Variants in FBXO15 observed in about 807,000 individuals in gnomAD.
FBXO15 encodes F-box only protein 15.
In FBXO15, 30 loss-of-function variants were observed where a neutral mutation model predicts 49.5. That is an observed-to-expected ratio of 0.61 (90% CI 0.45 to 0.82). The LOEUF is 0.82. Among genes scored for constraint, FBXO15 ranks in the 40% least tolerant of loss-of-function variants. The pLI, the probability that FBXO15 is intolerant of heterozygous loss-of-function variation, is 0.00. For synonymous variants in FBXO15, 250 were observed against 232.7 expected, an observed-to-expected ratio of 1.07 and a Z score of -0.68; for missense variants, 591 against 631.5, an observed-to-expected ratio of 0.94 and a Z score of 0.69.
chr18:74,086,578 T>C (rs1363542126), intron 8 of FBXO15, among the ~76,000 whole-genome samples: 1 of 152,122 alleles, frequency 6.6e-6, no homozygotes, highest in Non-Finnish European at 1.5e-5. Context: ...GCCTGACTAA[T>C]TTTTTGTATT....
chr18:74,129,351 T>A lies in FBXO15; in HGVS notation c.785+54A>T, dbSNP rs1978310262. 2.7e-6 allele frequency: 4 copies of A among 1,467,092 alleles called. No homozygotes were observed. In the Admixed American group the frequency reaches 5.9e-5, roughly 22 times the overall value. 90.9% of individuals were successfully genotyped at this position (1,467,092 alleles called of 1,614,324 possible). Reference sequence around the variant, plus strand: ...TTTTAATTACAAAAGTAATGCCAACTAATATTTACATATAAGATGCTCTCA... The same window carrying A: ...TTTTAATTACAAAAGTAATGCCAACAAATATTTACATATAAGATGCTCTCA... On this transcript the variant is annotated intron_variant, in intron 5 of 9. Transcript: ENST00000419743.
chr18:74,138,375 C>T (rs888407041), intron 2 of FBXO15, among the ~76,000 whole-genome samples: 1 of 152,156 alleles, frequency 6.6e-6, no homozygotes, highest in Non-Finnish European at 1.5e-5. Context: ...CTGCTGCCTC[C>T]TCCCCCCGCC....
intron 3 of FBXO15, among the ~76,000 whole-genome samples, chr18:74,132,306 C>G (rs1978442011): frequency 6.6e-6 from 1 of 152,188 alleles, no homozygotes; most frequent in South Asian, 2.1e-4. Context: ...GCATCTCACC[C>G]TATGTAAGTA....
At position 74,082,165 on chromosome 18, in the gene FBXO15, G is replaced by A. The variant is rs997257363; in HGVS notation, c.1139-114C>T. The A allele has an allele frequency of 1.9e-5, 19 of 1,022,946 alleles. No homozygotes were observed. The Admixed American group carries it at 4.6e-4, about 25-fold the overall frequency. The allele number at this position is 1,022,946 out of a possible 1,614,324, so 63.4% of individuals were successfully genotyped here. On this transcript the variant is annotated intron_variant, in intron 8 of 9. Coordinates refer to ENST00000419743, the MANE Select transcript of FBXO15 (RefSeq NM_001142958.2). The stretch of plus-strand genomic sequence containing the variant: ...CTCACCCTGGTAAGCCCTGGCCTCA[G>A]CGATGAGGGCAACATGGGCACAGCA...
At chr18:74,118,426 A>ATACACATATATACACATATATATATG (rs1568171815) in intron 8 of FBXO15, among the ~76,000 whole-genome samples, 1 of 148,886 alleles carries the variant, frequency 6.7e-6, no homozygotes, top group African/African-American at 2.5e-5. Flanking sequence ...ATATATATAT[A>ATACACATATATACACATATATATATG]TGTGTATATA....
chr18:74,113,538 T>C (rs1403111100), intron 8 of FBXO15, among the ~76,000 whole-genome samples: 1 of 152,152 alleles, frequency 6.6e-6, no homozygotes, highest in African/African-American at 2.4e-5. Flanking sequence ...GCAGAAGCTA[T>C]ATGGGAAATC....
At chr18:74,109,745 T>C (rs1403745084) in intron 8 of FBXO15, among the ~76,000 whole-genome samples, 2 of 151,334 alleles carry the variant, frequency 1.3e-5, no homozygotes, top group Non-Finnish European at 2.9e-5. Context: ...AACCAAACAC[T>C]GCATGTTCTC....
chr18:74,098,308 A>G (rs1433277743), intron 8 of FBXO15: 1 of 152,236 alleles, frequency 6.6e-6, no homozygotes, highest in African/African-American at 2.4e-5. Flanking sequence ...AAGGTCAGTT[A>G]ATAAGCTAAT....
intron 8 of FBXO15, chr18:74,122,477 T>C (rs888610742): frequency 1.3e-5 from 2 of 152,220 alleles, no homozygotes; most frequent in African/African-American, 4.8e-5. Flanking sequence ...TTGATAAATA[T>C]AGAAATAGTG....
At chr18:74,127,283 A>C (rs192048916) in intron 5 of FBXO15, among the ~76,000 whole-genome samples, 66 of 152,328 alleles carry the variant, frequency 4.3e-4, no homozygotes, top group Non-Finnish European at 8.5e-4. Context: ...AGACTCTGGG[A>C]ATGTGCTGAG....
chr18:74,100,245 A>T (rs920644930), intron 8 of FBXO15, among the ~76,000 whole-genome samples: 2 of 152,190 alleles, frequency 1.3e-5, no homozygotes, highest in African/African-American at 2.4e-5. Flanking sequence ...ATAAAAACGG[A>T]AATCAACTCC....
chr18:74,125,022 C>T (rs1217377627), intron 6 of FBXO15, among the ~76,000 whole-genome samples: 1 of 152,190 alleles, frequency 6.6e-6, no homozygotes, highest in Non-Finnish European at 1.5e-5. Context: ...TTAGATTCAA[C>T]TTCTTCACTT....
chr18:74,125,394 G>T (rs35372062), intron 6 of FBXO15, among the ~76,000 whole-genome samples: 7 of 152,194 alleles, frequency 4.6e-5, no homozygotes, highest in African/African-American at 1.4e-4. Context: ...TCTAGTCATT[G>T]TAAACTAATG....
chr18:74,145,106 C>T (rs1372033677), intron 1 of FBXO15, among the ~76,000 whole-genome samples: 1 of 152,106 alleles, frequency 6.6e-6, no homozygotes, highest in Admixed American at 6.5e-5. Flanking sequence ...ATGCTTTTCC[C>T]TAATCTGAAA....
rs1165515741 is a variant in FBXO15, at chr18:74,126,058, A to G, written c.829T>C (p.Leu277=). The change falls in exon 6 of 10, where the codon TTG becomes CTG. Residue 277 remains leucine, a synonymous_variant. Coordinates refer to ENST00000419743, the MANE Select transcript of FBXO15 (RefSeq NM_001142958.2). ...SLIAKYNLSH[L]TISTMIGCDR... is the part of the protein sequence containing the mutation. ...CAGCCAATCATGGTAGATATGGTCA[A>G]ATGACTCAGATTGTACTTTGCAATT... 6.2e-7 allele frequency: 1 copy of G among 1,614,068 alleles called. No homozygotes were observed. The highest frequency in any genetic ancestry group is 8.5e-7 in the Non-Finnish European group (1 of 1,179,934).
intron 8 of FBXO15, among the ~76,000 whole-genome samples, chr18:74,112,232 G>A (rs1315601022): frequency 6.6e-6 from 1 of 152,078 alleles, no homozygotes; most frequent in African/African-American, 2.4e-5. Context: ...AACATTGCAA[G>A]AAAAGAAAAC....
chr18:74,129,111 G>C (rs55934731), intron 5 of FBXO15, among the ~76,000 whole-genome samples: 13,272 of 152,018 alleles, frequency 0.087, 808 homozygotes, highest in Admixed American at 0.2. Context: ...CTGTTAAGAT[G>C]GTTAAAATGA....
chr18:74,117,813 A>T (rs1409177818), intron 8 of FBXO15, among the ~76,000 whole-genome samples: 1 of 152,172 alleles, frequency 6.6e-6, no homozygotes, highest in Non-Finnish European at 1.5e-5. Context: ...AGTATGAGGA[A>T]TGCAAACATA....
At chr18:74,134,647 T>G (rs969484222) in intron 3 of FBXO15, among the ~76,000 whole-genome samples, 2 of 152,086 alleles carry the variant, frequency 1.3e-5, no homozygotes, top group Non-Finnish European at 2.9e-5. Context: ...GGATTACAGG[T>G]GTGAGCCACT....
Sources: gnomAD v4.1 joint callset for allele counts (sites outside exome capture counted in the v4.1 genomes callset) on GRCh38, gnomAD v4.1.1 for gene constraint, MANE v1.5 for transcripts, NCBI Gene and HGNC (gene_info 2026-07-23, HGNC 2026-07-21) for gene names.